SGCZ: variants seen among roughly 807,000 people sequenced by gnomAD.
SGCZ encodes zeta-sarcoglycan.
SGCZ carries 40 observed loss-of-function variants against 41.3 expected under a neutral mutation model. The observed-to-expected ratio is 0.97, with a 90% CI of 0.75 to 1.26. SGCZ has a LOEUF of 1.26. Ranked by LOEUF, SGCZ falls within the 50% of genes most tolerant of loss-of-function variation. SGCZ has a pLI of 0.00. For synonymous variants in SGCZ, 206 were observed against 137.5 expected, an observed-to-expected ratio of 1.50 and a Z score of -3.49; for missense variants, 552 against 369.8, an observed-to-expected ratio of 1.49 and a Z score of -4.04.
At chr8:15,128,606 G>C (rs1384836813) in intron 1 of SGCZ, among the ~76,000 whole-genome samples, 2 of 152,130 alleles carry the variant, frequency 1.3e-5, no homozygotes, top group Admixed American at 6.5e-5. Flanking sequence ...AATCTCAGAA[G>C]CGCCCTGTGA....
At chr8:14,543,982 C>A (rs548680532) in intron 2 of SGCZ, among the ~76,000 whole-genome samples, 1 of 151,970 alleles carries the variant, frequency 6.6e-6, no homozygotes, top group African/African-American at 2.4e-5. Context: ...TGGTTACCTA[C>A]CCCAAAGCTT....
At chr8:14,988,263 T>TAA (rs33980927) in intron 1 of SGCZ, among the ~76,000 whole-genome samples, 2 of 151,706 alleles carry the variant, frequency 1.3e-5, no homozygotes, top group East Asian at 1.9e-4. Flanking sequence ...CTCCATCTTC[T>TAA]AAAAAAACTC....
intron 3 of SGCZ, among the ~76,000 whole-genome samples, chr8:14,292,351 G>A (rs1800869088): frequency 6.6e-6 from 1 of 151,986 alleles, no homozygotes; most frequent in Admixed American, 6.6e-5. Flanking sequence ...AAAGTCCTCT[G>A]AAGGATGTAG....
chr8:14,379,076 T>C (rs1417021967), intron 2 of SGCZ, among the ~76,000 whole-genome samples: 1 of 152,200 alleles, frequency 6.6e-6, no homozygotes, highest in East Asian at 1.9e-4. Flanking sequence ...GAAAAAATAG[T>C]ATGCACACTA....
rs556873242 is a variant in SGCZ at position 15,180,331 on chromosome 8, A to G, written c.39+57254T>C. Among the ~76,000 whole-genome samples the G allele has an allele frequency of 1.3e-4, 20 of 152,330 alleles. No individual in the cohort carries two copies. In the East Asian group the frequency reaches 3.3e-3, roughly 25 times the overall value. Reference sequence around the variant, plus strand: ...ACTGGCTATATAAAAGCCATTGTGTAAAGCTACTGAAGACACTTTAACATG... The same window carrying G: ...ACTGGCTATATAAAAGCCATTGTGTGAAGCTACTGAAGACACTTTAACATG... On this transcript the variant is annotated intron_variant, in intron 1 of 7. Coordinates refer to ENST00000382080, the MANE Select transcript of SGCZ (RefSeq NM_139167.4).
At chr8:15,104,406 G>C (rs1318206219) in intron 1 of SGCZ, among the ~76,000 whole-genome samples, 3 of 151,932 alleles carry the variant, frequency 2.0e-5, no homozygotes, top group Non-Finnish European at 2.9e-5. Context: ...AACCACACAA[G>C]GAAAAAACAT....
intron 1 of SGCZ, among the ~76,000 whole-genome samples, chr8:14,677,713 G>A (rs1182038597): frequency 6.6e-6 from 1 of 152,146 alleles, no homozygotes; most frequent in Non-Finnish European, 1.5e-5. Context: ...AGAGGTTGCA[G>A]TGAGCCAAGA....
At chr8:14,326,111 C>CAAAAAAAAAAAAAAAAAAAAAAAAAAAA (rs56152915) in intron 2 of SGCZ, among the ~76,000 whole-genome samples, 1 of 37,906 alleles carries the variant, frequency 2.6e-5, no homozygotes, top group Non-Finnish European at 4.4e-5. Context: ...GACTCCGTCT[C>CAAAAAAAAAAAAAAAAAAAAAAAAAAAA]AAAAAAAAAA....
intron 1 of SGCZ, among the ~76,000 whole-genome samples, chr8:14,941,365 G>A (rs1800270129): frequency 6.6e-6 from 1 of 152,042 alleles, no homozygotes; most frequent in Non-Finnish European, 1.5e-5. Flanking sequence ...TTTACCACAA[G>A]GAAAGCAAAC....
intron 2 of SGCZ, among the ~76,000 whole-genome samples, chr8:14,504,257 T>C (rs952353261): frequency 4.6e-5 from 7 of 152,232 alleles, no homozygotes; most frequent in Admixed American, 3.9e-4. Context: ...GTTTTTAAAG[T>C]ATAAAAGATT....
chr8:14,783,961 T>G (rs1359840761), intron 1 of SGCZ, among the ~76,000 whole-genome samples: 1 of 152,196 alleles, frequency 6.6e-6, no homozygotes. Flanking sequence ...TCTTCAGATT[T>G]AGTGGTCAAT....
chr8:14,373,583 T>G (rs1408619729), intron 2 of SGCZ, among the ~76,000 whole-genome samples: 1 of 152,052 alleles, frequency 6.6e-6, no homozygotes, highest in Non-Finnish European at 1.5e-5. Context: ...AAACAAAGTA[T>G]AGTACCCTAA....
chr8:14,572,174 A>G (rs1173839684), intron 1 of SGCZ, among the ~76,000 whole-genome samples: 2 of 152,192 alleles, frequency 1.3e-5, no homozygotes, highest in Non-Finnish European at 2.9e-5. Flanking sequence ...TTGCATTTCA[A>G]CAGTATTTTA....
At chr8:14,521,365 G>A (rs1802783092) in intron 2 of SGCZ, among the ~76,000 whole-genome samples, 1 of 151,978 alleles carries the variant, frequency 6.6e-6, no homozygotes, top group Non-Finnish European at 1.5e-5. Flanking sequence ...GATTCCTCCA[G>A]GTCCTTGTGT....
At chr8:14,819,203 G>A (rs1158527410) in intron 1 of SGCZ, among the ~76,000 whole-genome samples, 1 of 151,988 alleles carries the variant, frequency 6.6e-6, no homozygotes, top group Non-Finnish European at 1.5e-5. Context: ...CACATATAAG[G>A]GAACTCCCAT....
chr8:14,809,346 T>A (rs1417500713), intron 1 of SGCZ, among the ~76,000 whole-genome samples: 1 of 152,142 alleles, frequency 6.6e-6, no homozygotes, highest in Non-Finnish European at 1.5e-5. Flanking sequence ...CATGATGAAA[T>A]GAAAAACTTT....
chr8:14,622,823 T>C (rs561210762), intron 1 of SGCZ, among the ~76,000 whole-genome samples: 11 of 152,334 alleles, frequency 7.2e-5, no homozygotes, highest in African/African-American at 1.7e-4. Flanking sequence ...CCAGTTATTT[T>C]TGAAATTCAA....
chr8:14,094,806 T>G (rs1004092918), intron 7 of SGCZ, among the ~76,000 whole-genome samples: 32 of 152,156 alleles, frequency 2.1e-4, no homozygotes, highest in African/African-American at 7.2e-4. Context: ...TGTTGTTTCC[T>G]GACTTTTTAA....
chr8:15,186,074 TAAATAAATAAA>T (rs1236041756), intron 1 of SGCZ, among the ~76,000 whole-genome samples: 1 of 140,300 alleles, frequency 7.1e-6, no homozygotes, highest in Non-Finnish European at 1.5e-5. Context: ...ATAAAAAAAA[TAAATAAATAAA>T]AAATAAATAA....
Sources: allele counts gnomAD v4.1 joint callset (sites outside exome capture counted in the v4.1 genomes callset), GRCh38; gene constraint gnomAD v4.1.1; transcripts MANE v1.5; gene names NCBI Gene and HGNC (gene_info 2026-07-23, HGNC 2026-07-21).